Variants in PRTG observed in about 807,000 individuals in gnomAD.
PRTG encodes protogenin.
PRTG carries 67 observed loss-of-function variants against 122.5 expected under a neutral mutation model. The observed-to-expected ratio is 0.55, with a 90% CI of 0.45 to 0.67. PRTG has a LOEUF of 0.67. PRTG is among the 30% of genes least tolerant of loss of function. The probability of loss-of-function intolerance (pLI) is 0.00; values close to 1 mark genes in which losing one functional copy is unlikely to be tolerated. For missense variants in PRTG, 1,435 were observed against 1,415.4 expected, an observed-to-expected ratio of 1.01 and a Z score of -0.22; for synonymous variants, 554 against 501.1, an observed-to-expected ratio of 1.11 and a Z score of -1.41.
chr15:55,713,913 T>A, intron 2 of PRTG, among the ~76,000 whole-genome samples: 1 of 152,176 alleles, frequency 6.6e-6, no homozygotes, highest in East Asian at 1.9e-4. Context: ...TTGTTTTAAC[T>A]TAATAAAATT....
At chr15:55,621,995 C>G (rs1290169420) in intron 18 of PRTG, among the ~76,000 whole-genome samples, 1 of 152,054 alleles carries the variant, frequency 6.6e-6, no homozygotes, top group African/African-American at 2.4e-5. Flanking sequence ...AACAAAATGA[C>G]ATTAGATGGA....
chr15:55,716,141 G>A (rs1297509985), intron 2 of PRTG, among the ~76,000 whole-genome samples: 1 of 152,212 alleles, frequency 6.6e-6, no homozygotes, highest in Non-Finnish European at 1.5e-5. Flanking sequence ...GCTGAGACGG[G>A]AGAATCGCTT....
intron 11 of PRTG, 62 bp from the exon 12 acceptor site, chr15:55,641,270 A>C (rs2059289020): frequency 1.6e-6 from 2 of 1,224,432 alleles, no homozygotes; most frequent in Middle Eastern, 1.9e-4. Context: ...AAAGGTTCTG[A>C]ATGAAGCCTT....
At chr15:55,726,363 T>C (rs1423266563) in intron 2 of PRTG, among the ~76,000 whole-genome samples, 1 of 152,094 alleles carries the variant, frequency 6.6e-6, no homozygotes, top group Non-Finnish European at 1.5e-5. Context: ...AAGCATGAGC[T>C]ACTGTGCCCA....
In PRTG at chr15:55,620,745, T is replaced by G. The variant is rs201581781; in HGVS notation, c.3116A>C (p.Asn1039Thr). Residue 1039 changes from asparagine (N) to threonine (T), a missense_variant, in exon 19 of 20, where the codon AAT (asparagine) becomes ACT (threonine). Asn to Thr is a moderately conservative substitution (Grantham distance 65). Transcript: ENST00000389286. ...GTTTTTAATTATAGGACCATAGCTA[T>G]TAATTATCAGGTCAGTTCCTCCCTG... Reference protein sequence around the residue: ...DAKGGTDLIINSYGPIIKNNS... With the variant: ...DAKGGTDLIITSYGPIIKNNS... 8 of 1,596,642 alleles carry G rather than the reference T, an allele frequency of 5.0e-6. No homozygotes were observed. The highest frequency in any genetic ancestry group is 1.8e-5 in the Admixed American group (1 of 54,464).
At chr15:55,742,413 C>T (rs1352637272) in intron 1 of PRTG, 1 of 161,396 alleles carries the variant, frequency 6.2e-6, no homozygotes, top group African/African-American at 2.4e-5. Flanking sequence ...GAGGCTGCCA[C>T]TAAGGAAACA....
chr15:55,702,719 C>G (rs556082074), intron 2 of PRTG, among the ~76,000 whole-genome samples: 38 of 152,218 alleles, frequency 2.5e-4, no homozygotes, highest in South Asian at 2.1e-4. Context: ...ATTCTTCTAC[C>G]TATGGAAATG....
intron 3 of PRTG, among the ~76,000 whole-genome samples, chr15:55,683,555 AG>A (rs1259124921): frequency 6.6e-6 from 1 of 152,210 alleles, no homozygotes; most frequent in Non-Finnish European, 1.5e-5. Flanking sequence ...GGTTGAGGAA[AG>A]GATCAAGGCA....
chr15:55,661,207 G>A (rs1315428158), intron 11 of PRTG, among the ~76,000 whole-genome samples: 2 of 152,074 alleles, frequency 1.3e-5, no homozygotes, highest in Non-Finnish European at 2.9e-5. Context: ...CAGCAGGAGG[G>A]GATATTCCCT....
At chr15:55,699,222 G>C (rs1408264574) in intron 2 of PRTG, among the ~76,000 whole-genome samples, 3 of 152,078 alleles carry the variant, frequency 2.0e-5, no homozygotes, top group African/African-American at 7.2e-5. Flanking sequence ...ATTTTCAATG[G>C]CAAGTTTTCT....
intron 2 of PRTG, among the ~76,000 whole-genome samples, chr15:55,737,652 A>C (rs1297015253): frequency 1.3e-5 from 2 of 152,108 alleles, no homozygotes; most frequent in Non-Finnish European, 2.9e-5. Flanking sequence ...CCAGTTTCTA[A>C]CCTTTTAACC....
chr15:55,640,006 A>T, intron 12 of PRTG, 178 bp from the exon 13 acceptor site: 1 of 970,456 alleles, frequency 1.0e-6, no homozygotes, highest in Non-Finnish European at 1.2e-6. Context: ...TCCGTGAGTT[A>T]TATAAGAAGT....
intron 15 of PRTG, among the ~76,000 whole-genome samples, chr15:55,634,345 G>A (rs913550857): frequency 6.6e-6 from 1 of 152,058 alleles, no homozygotes; most frequent in African/African-American, 2.4e-5. Context: ...TGGGATTACA[G>A]GCGTGAGCCA....
At position 55,639,631 on chromosome 15, in the gene PRTG, G is replaced by T. The variant is rs552369804; in HGVS notation, c.2324+11C>A. On this transcript the variant is annotated intron_variant, in intron 13 of 19. Coordinates refer to ENST00000389286, the MANE Select transcript of PRTG (RefSeq NM_173814.6). Reference sequence around the variant, plus strand: ...AAGCAAAGAAAATAACCATTAACAGGAGCTACATACGTTTGAAGGTACAGA... The same window carrying T: ...AAGCAAAGAAAATAACCATTAACAGTAGCTACATACGTTTGAAGGTACAGA... 1 of 1,610,002 alleles carries T rather than the reference G, an allele frequency of 6.2e-7. No individual in the cohort carries two copies. Among genetic ancestry groups the T allele is most frequent in the Admixed American group, 1.7e-5 (1 of 59,922 alleles).
At position 55,635,024 on chromosome 15, in the gene PRTG, G is replaced by C. The variant is rs189621946; in HGVS notation, c.2623+2146C>G. ...AGGCTTGTGAAAGCTTTGTATGTGG[G>C]GCTTCCTCTCTTCTCTTCCTGACTG... On this transcript the variant is annotated intron_variant, in intron 15 of 19. Coordinates refer to ENST00000389286, the MANE Select transcript of PRTG (RefSeq NM_173814.6). Among the ~76,000 whole-genome samples, 16 of 151,270 alleles carry C rather than the reference G, an allele frequency of 1.1e-4. No homozygotes were observed. The East Asian group carries it at 2.7e-3, about 26-fold the overall frequency.
chr15:55,654,135 G>C (rs2059367965), intron 11 of PRTG, among the ~76,000 whole-genome samples: 1 of 152,130 alleles, frequency 6.6e-6, no homozygotes, highest in Non-Finnish European at 1.5e-5. Flanking sequence ...TCTAATGGAA[G>C]ACTTTTCCTT....
At chr15:55,638,307 T>A (rs542685813) in intron 14 of PRTG, among the ~76,000 whole-genome samples, 1 of 152,166 alleles carries the variant, frequency 6.6e-6, no homozygotes, top group South Asian at 2.1e-4. Context: ...TTTTTTAAGG[T>A]TTCTAAAAGG....
intron 10 of PRTG, among the ~76,000 whole-genome samples, 163 bp from the exon 11 acceptor site, chr15:55,672,796 T>C (rs2059480324): frequency 6.6e-6 from 1 of 152,136 alleles, no homozygotes; most frequent in Admixed American, 6.5e-5. Context: ...ATATTAAACT[T>C]TGAGATCAAA....
At chr15:55,626,265 C>T (rs942038933) in intron 17 of PRTG, among the ~76,000 whole-genome samples, 2 of 151,916 alleles carry the variant, frequency 1.3e-5, no homozygotes, top group African/African-American at 4.8e-5. Flanking sequence ...AAAAATTAGC[C>T]AGGCGTGGTG....
Sources: gnomAD v4.1 joint callset for allele counts (sites outside exome capture counted in the v4.1 genomes callset) on GRCh38, gnomAD v4.1.1 for gene constraint, MANE v1.5 for transcripts, NCBI Gene and HGNC (gene_info 2026-07-23, HGNC 2026-07-21) for gene names.